BICRA: variants seen among roughly 807,000 people sequenced by gnomAD.
BICRA encodes BRD4 interacting chromatin remodeling complex associated protein.
A neutral mutation model predicts 96.9 loss-of-function variants in BICRA; 31 were observed. The observed-to-expected ratio is 0.32, with a 90% confidence interval of 0.24 to 0.43. BICRA has a LOEUF of 0.43. BICRA is among the 20% of genes least tolerant of loss of function. BICRA has a pLI of 1.00. For missense variants in BICRA, 2,283 were observed against 2,190.3 expected (o/e 1.04, Z -0.84); for synonymous variants, 1,350 against 1,071.8 (o/e 1.26, Z -5.07).
In BICRA at chr19:47,694,404, C is replaced by T. The variant is rs775374938; in HGVS notation, c.2573C>T (p.Pro858Leu). Residue 858 changes from proline (P) to leucine (L), a missense_variant, in exon 8 of 15, where the codon CCG (proline) becomes CTG (leucine). Physicochemically the swap from Pro to Leu is moderately conservative, Grantham distance 98. Transcript: ENST00000594866. ...SNPAPTAPGP[P>L]QPPLRPQSQP... ...CCGGCCCCTACTGCCCCAGGCCCGCCGCAGCCGCCTCTCCGCCCCCAGTCC... is the reference window on the plus strand; with the variant it reads ...CCGGCCCCTACTGCCCCAGGCCCGCTGCAGCCGCCTCTCCGCCCCCAGTCC... 5.7e-5 allele frequency: 60 copies of T among 1,052,340 alleles called. No homozygotes were observed. Among genetic ancestry groups the T allele is most frequent in the Non-Finnish European group, 8.0e-5 (55 of 691,232 alleles). 65.2% of individuals were successfully genotyped at this position (1,052,340 alleles called of 1,614,324 possible).
chr19:47,619,035 G>T (rs958860914), intron 1 of BICRA, among the ~76,000 whole-genome samples: 1 of 152,156 alleles, frequency 6.6e-6, no homozygotes, highest in East Asian at 1.9e-4. Context: ...GACACTTGGC[G>T]CCCGGCCTGG....
chr19:47,687,185 T>C (rs1238270824), intron 7 of BICRA, among the ~76,000 whole-genome samples: 29 of 152,150 alleles, frequency 1.9e-4, no homozygotes, highest in Non-Finnish European at 4.1e-4. Flanking sequence ...GTCTCTGTTA[T>C]TATAGCACAA....
intron 7 of BICRA, 21 bp from the exon 8 acceptor site, chr19:47,694,094 C>CCA: frequency 7.4e-7 from 1 of 1,354,382 alleles, no homozygotes; most frequent in Non-Finnish European, 9.6e-7. Context: ...CCCCTCCCCT[C>CCA]TCCCTCCCTC....
Position 47,701,738 on chromosome 19 carries a change from C to A in BICRA, c.4006C>A (p.Pro1336Thr), listed in dbSNP as rs1237388076. 1.3e-6 allele frequency: 2 copies of A among 1,555,310 alleles called. No individual in the cohort carries two copies. The highest frequency in any genetic ancestry group is 1.7e-6 in the Non-Finnish European group (2 of 1,148,486). ...ALDPVHQPPP[P>T]PATLKVAEPP... ...GGACCCCGTGCACCAGCCCCCGCCA[C>A]CCCCCGCTACCCTCAAGGTGGCCGA... The change falls in exon 15 of 15, where the codon CCC becomes ACC. Residue 1336 changes from proline to threonine, a missense_variant. By Grantham distance (38) the Pro-to-Thr change is conservative (BLOSUM62 -1). Transcript: ENST00000594866. This position sits in a 1 kb window ranked among gnomAD's most constrained non-coding sequence, Gnocchi z 5.4.
At position 47,702,531 on chromosome 19, in the gene BICRA, C is replaced by T. The variant is rs375537211; in HGVS notation, c.*116C>T. 919 of 1,245,772 alleles carry T rather than the reference C, an allele frequency of 7.4e-4. 5 individuals carry two copies. In the African/African-American group the frequency reaches 0.013, roughly 17 times the overall value. 77.2% of individuals were successfully genotyped at this position (1,245,772 alleles called of 1,614,324 possible). ...GGGATCCCCTGACGGTTTTTCTTGC[C>T]TAAGTTATTTGAGTCACAAAGGCCT... On this transcript the variant is annotated 3_prime_UTR_variant, in exon 15 of 15. Coordinates refer to ENST00000594866, the MANE Select transcript of BICRA (RefSeq NM_001394372.1).
chr19:47,646,146 G>A (rs1481110139), intron 1 of BICRA, among the ~76,000 whole-genome samples: 6 of 152,122 alleles, frequency 3.9e-5, no homozygotes. Flanking sequence ...GGGCAGGGGG[G>A]CGTCAGCCAG....
chr19:47,681,412 C>T, intron 6 of BICRA, 136 bp downstream of exon 6: 1 of 792,896 alleles, frequency 1.3e-6, no homozygotes, highest in South Asian at 1.7e-5. Context: ...AGTCATGGCA[C>T]AGGTGGCCCC....
chr19:47,615,204 G>T (rs1971965091), intron 1 of BICRA, among the ~76,000 whole-genome samples: 1 of 152,174 alleles, frequency 6.6e-6, no homozygotes. Context: ...GGCTGGTCTT[G>T]AAATCCTGTT....
Position 47,701,275 on chromosome 19 carries a change from G to A in BICRA, c.3596-53G>A. On this transcript the variant is annotated intron_variant, in intron 14 of 14. Transcript: ENST00000594866. This position sits in a 1 kb window ranked among gnomAD's most constrained non-coding sequence, Gnocchi z 5.4. ...ACTGCACACAGCTCCTCCCAGCTCG[G>A]TCGGGGGGTCCTCATCCTAACCCCG... The A allele has an allele frequency of 7.5e-7, 1 of 1,336,296 alleles. No individual in the cohort carries two copies. The allele number at this position is 1,336,296 out of a possible 1,614,324, so 82.8% of individuals were successfully genotyped here. A position where few individuals can be genotyped will look rare whatever the true frequency, so the allele number is the denominator to read the frequency against.
intron 9 of BICRA, 86 bp from the exon 10 acceptor site, chr19:47,695,279 G>A (rs1043998983): frequency 7.1e-5 from 56 of 790,988 alleles, no homozygotes; most frequent in Non-Finnish European, 1.1e-4. Flanking sequence ...GGAGAGCGGT[G>A]GGGTACAGGA....
chr19:47,618,737 C>T (rs7259242), intron 1 of BICRA, among the ~76,000 whole-genome samples: 20,460 of 152,088 alleles, frequency 0.13, 1,416 homozygotes, highest in East Asian at 0.21. Flanking sequence ...ACGGAGTGAG[C>T]GGGAATATCT....
In BICRA at chr19:47,702,604, A is replaced by T; in HGVS notation, c.*189A>T. On this transcript the variant is annotated 3_prime_UTR_variant, in exon 15 of 15. Transcript: ENST00000594866. ...CTGGGTTGCTGGGGGGTGGGCGTGG[A>T]TTTAGGGAGGGGGCTGTGATGTAAA... The T allele has an allele frequency of 1.6e-6, 1 of 623,460 alleles. No homozygotes were observed. Among genetic ancestry groups the T allele is most frequent in the Non-Finnish European group, 2.6e-6 (1 of 389,288 alleles). The allele number at this position is 623,460 out of a possible 1,614,324, so 38.6% of individuals were successfully genotyped here.
At chr19:47,651,670 TAAATA>T (rs1266399396) in intron 1 of BICRA, among the ~76,000 whole-genome samples, 1 of 152,090 alleles carries the variant, frequency 6.6e-6, no homozygotes, top group African/African-American at 2.4e-5. Flanking sequence ...AGCACGATCT[TAAATA>T]AAATAGGTCG....
chr19:47,635,750 C>T lies in BICRA; in HGVS notation c.-108+26582C>T, dbSNP rs1163070988. Among the ~76,000 whole-genome samples the T allele has an allele frequency of 2.0e-5, 3 of 152,148 alleles. No individual in the cohort carries two copies. In the East Asian group the frequency reaches 5.8e-4, roughly 29 times the overall value. On this transcript the variant is annotated intron_variant, in intron 1 of 14. Coordinates refer to ENST00000594866, the MANE Select transcript of BICRA (RefSeq NM_001394372.1). ...TTTATTTTATTTAACACAGTAAAGG[C>T]TCATACATGCTATAGCACATATCAG...
At position 47,699,533 on chromosome 19, in the gene BICRA, G is replaced by C; in HGVS notation, c.3595+128G>C. The C allele has an allele frequency of 1.6e-6, 1 of 636,022 alleles. No homozygotes were observed. Among genetic ancestry groups the C allele is most frequent in the Non-Finnish European group, 2.8e-6 (1 of 352,918 alleles). The allele number at this position is 636,022 out of a possible 1,614,324, so 39.4% of individuals were successfully genotyped here. On this transcript the variant is annotated intron_variant, in intron 14 of 14. Transcript: ENST00000594866. The surrounding 1 kb of genome is among the most constrained non-coding windows in gnomAD (Gnocchi z 5.0). The stretch of plus-strand genomic sequence containing the variant: ...CACTCCACCACTAGGCGGTGCCCCA[G>C]CTCCACCTTCCTGCTGGCAGCTGTG...
intron 7 of BICRA, among the ~76,000 whole-genome samples, chr19:47,682,831 T>G (rs1052969841): frequency 6.6e-6 from 1 of 152,034 alleles, no homozygotes; most frequent in Admixed American, 6.6e-5. Flanking sequence ...GCCACCATGC[T>G]GGGCTAATTT....
chr19:47,668,487 CTTT>C (rs35737042), intron 1 of BICRA, among the ~76,000 whole-genome samples: 3 of 125,936 alleles, frequency 2.4e-5, no homozygotes, highest in Admixed American at 1.6e-4. Context: ...CTTTGTGAGT[CTTT>C]TTTTTTTTTT....
At chr19:47,613,491 A>G (rs774271093) in intron 1 of BICRA, among the ~76,000 whole-genome samples, 9 of 152,074 alleles carry the variant, frequency 5.9e-5, no homozygotes, top group Non-Finnish European at 1.3e-4. Context: ...TGCCCTGGTC[A>G]TATTTGAGCT....
chr19:47,629,158 C>G (rs992416134), intron 1 of BICRA, among the ~76,000 whole-genome samples: 12 of 152,096 alleles, frequency 7.9e-5, no homozygotes, highest in Admixed American at 5.2e-4. Context: ...CCCACCACCA[C>G]GCCCGGCTAA....
Sources: gnomAD v4.1 joint callset for allele counts (sites outside exome capture counted in the v4.1 genomes callset) on GRCh38, gnomAD v4.1.1 for gene constraint, Gnocchi (gnomAD v3.1) non-coding constraint, MANE v1.5 for transcripts, NCBI Gene and HGNC (gene_info 2026-07-23, HGNC 2026-07-21) for gene names.